The following PCSK5 variants were observed in gnomAD, a reference collection of about 807,000 sequenced individuals.
PCSK5 encodes proprotein convertase subtilisin/kexin type 5.
PCSK5 carries 129 observed loss-of-function variants against 233.2 expected under a neutral mutation model. That is an observed-to-expected ratio of 0.55 (90% CI 0.48 to 0.64). The LOEUF (loss-of-function observed/expected upper bound fraction) is 0.64, where lower values mean the gene tolerates loss of function less well. Among genes scored for constraint, PCSK5 ranks in the 30% least tolerant of loss-of-function variants. The pLI, the probability that PCSK5 is intolerant of heterozygous loss-of-function variation, is 0.00. For missense variants in PCSK5, 2,076 were observed against 2,430.1 expected (o/e 0.85, Z 3.06); for synonymous variants, 825 against 879.2 (o/e 0.94, Z 1.09).
chr9:76,161,789 A>T (rs1336301472), intron 12 of PCSK5, among the ~76,000 whole-genome samples: 1 of 152,200 alleles, frequency 6.6e-6, no homozygotes, highest in African/African-American at 2.4e-5. Flanking sequence ...TCAACAGCCA[A>T]CATCTGCTTT....
intron 5 of PCSK5, among the ~76,000 whole-genome samples, chr9:76,048,843 A>C (rs1270513566): frequency 6.6e-6 from 1 of 152,250 alleles, no homozygotes; most frequent in Non-Finnish European, 1.5e-5. Context: ...AGGAGATATG[A>C]ATGATGCATT....
intron 24 of PCSK5, among the ~76,000 whole-genome samples, chr9:76,269,110 C>T (rs576869883): frequency 5.4e-4 from 82 of 152,346 alleles, no homozygotes; most frequent in Middle Eastern, 3.4e-3. Flanking sequence ...GTCATTTGCT[C>T]CTCAGCCCCA....
At chr9:76,064,308 CG>C (rs1564004872) in intron 5 of PCSK5, among the ~76,000 whole-genome samples, 2 of 70,870 alleles carry the variant, frequency 2.8e-5, no homozygotes. Context: ...TAGGGGCGGC[CG>C]GGCAGAGGCG....
chr9:76,254,019 G>C (rs1019267845), intron 24 of PCSK5, among the ~76,000 whole-genome samples: 1 of 152,130 alleles, frequency 6.6e-6, no homozygotes, highest in African/African-American at 2.4e-5. Context: ...ACTCTGCTCT[G>C]TGTGATCCTT....
chr9:75,928,214 G>A (rs923785641), intron 1 of PCSK5, among the ~76,000 whole-genome samples: 22 of 152,126 alleles, frequency 1.4e-4, no homozygotes, highest in African/African-American at 5.3e-4. Context: ...GTTGGGCTTT[G>A]CACTATTTGC....
intron 1 of PCSK5, among the ~76,000 whole-genome samples, chr9:75,894,036 C>T (rs928108062): frequency 3.9e-5 from 6 of 152,166 alleles, no homozygotes; most frequent in African/African-American, 1.4e-4. Flanking sequence ...CATCAGTAAA[C>T]CAGCTGTGGA....
intron 35 of PCSK5, among the ~76,000 whole-genome samples, chr9:76,339,644 A>G (rs1453284706): frequency 1.3e-5 from 2 of 152,156 alleles, no homozygotes; most frequent in East Asian, 3.8e-4. Flanking sequence ...TCCCAGGATC[A>G]AGCGATTCTC....
chr9:76,159,215 C>A (rs368359836), intron 12 of PCSK5, 44 bp downstream of exon 12: 3 of 1,560,974 alleles, frequency 1.9e-6, no homozygotes, highest in Non-Finnish European at 2.6e-6. Context: ...GTCACAGCGA[C>A]ACTCGGCTAT....
chr9:76,060,526 A>G (rs962913826), intron 5 of PCSK5, among the ~76,000 whole-genome samples: 1 of 152,162 alleles, frequency 6.6e-6, no homozygotes, highest in Non-Finnish European at 1.5e-5. Flanking sequence ...GAAAATCCAT[A>G]TATAAGTGGA....
chr9:76,163,977 T>C (rs1228447660), intron 12 of PCSK5, among the ~76,000 whole-genome samples: 1 of 151,682 alleles, frequency 6.6e-6, no homozygotes, highest in Non-Finnish European at 1.5e-5. Context: ...TTGCCTCCCT[T>C]TCTAAATTTA....
At chr9:76,061,123 C>CA (rs1397624799) in intron 5 of PCSK5, among the ~76,000 whole-genome samples, 2 of 151,862 alleles carry the variant, frequency 1.3e-5, no homozygotes, top group African/African-American at 4.8e-5. Context: ...TTAAGTAAAA[C>CA]AAAATTCATA....
At chr9:76,338,811 T>C (rs1287464135) in intron 35 of PCSK5, among the ~76,000 whole-genome samples, 1 of 152,082 alleles carries the variant, frequency 6.6e-6, no homozygotes, top group African/African-American at 2.4e-5. Context: ...TCTCCCAAGC[T>C]CCATGCCTCT....
intron 5 of PCSK5, among the ~76,000 whole-genome samples, chr9:76,034,119 G>T (rs1450827073): frequency 1.3e-5 from 2 of 152,100 alleles, no homozygotes; most frequent in Non-Finnish European, 2.9e-5. Flanking sequence ...GAAAATTGCG[G>T]TGTAATAGGA....
chr9:76,344,238 G>C (rs1459404679), intron 35 of PCSK5, among the ~76,000 whole-genome samples: 1 of 152,142 alleles, frequency 6.6e-6, no homozygotes, highest in South Asian at 2.1e-4. Context: ...GATAAAATCT[G>C]AGGCTGAATC....
chr9:76,037,997 C>A (rs143550459), intron 5 of PCSK5, among the ~76,000 whole-genome samples: 1 of 152,248 alleles, frequency 6.6e-6, no homozygotes, highest in Non-Finnish European at 1.5e-5. Flanking sequence ...ATGTAATTTG[C>A]GTATGCTAGT....
At chr9:76,161,141 C>T (rs10869713) in intron 12 of PCSK5, among the ~76,000 whole-genome samples, 50,793 of 152,092 alleles carry the variant, frequency 0.33, 8,821 homozygotes, top group Non-Finnish European at 0.38. Context: ...TCAAATCTGA[C>T]GTCTTCCATT....
chr9:76,108,477 G>A (rs577444681), intron 9 of PCSK5, among the ~76,000 whole-genome samples: 55 of 152,324 alleles, frequency 3.6e-4, no homozygotes, highest in Admixed American at 3.9e-4. Context: ...CCGTGTGGCC[G>A]GGCGCGGTGG....
chr9:76,151,978 C>T (rs1823694354), intron 10 of PCSK5, among the ~76,000 whole-genome samples: 1 of 152,102 alleles, frequency 6.6e-6, no homozygotes, highest in South Asian at 2.1e-4. Flanking sequence ...CAATTATTAG[C>T]TTATATTGGT....
chr9:76,051,554 C>T (rs1230684297), intron 5 of PCSK5, among the ~76,000 whole-genome samples: 6 of 151,848 alleles, frequency 4.0e-5, no homozygotes, highest in Non-Finnish European at 7.4e-5. Flanking sequence ...TTTTTATTTT[C>T]TGATATCATA....
Sources: gnomAD v4.1 joint callset for allele counts (sites outside exome capture counted in the v4.1 genomes callset) on GRCh38, gnomAD v4.1.1 for gene constraint, MANE v1.5 for transcripts, NCBI Gene and HGNC (gene_info 2026-07-23, HGNC 2026-07-21) for gene names.